Variants in PRLR observed in about 807,000 individuals in gnomAD.
PRLR encodes the protein prolactin receptor, also known as hPRL receptor.
PRLR carries 13 observed loss-of-function variants against 40.2 expected under a neutral mutation model. That is an observed-to-expected ratio of 0.32 (90% CI 0.21 to 0.51). PRLR has a LOEUF of 0.51. PRLR is among the 20% of genes least tolerant of loss of function. The pLI, the probability that PRLR is intolerant of heterozygous loss-of-function variation, is 0.97. For synonymous variants in PRLR, 269 were observed against 278.7 expected, an observed-to-expected ratio of 0.97 and a Z score of 0.35; for missense variants, 656 against 747.3, an observed-to-expected ratio of 0.88 and a Z score of 1.42.
chr5:35,142,925 C>T (rs1774065160), intron 1 of PRLR, among the ~76,000 whole-genome samples: 1 of 152,216 alleles, frequency 6.6e-6, no homozygotes, highest in African/African-American at 2.4e-5. Context: ...GCACCTACCA[C>T]ATAGGACTGT....
chr5:35,174,608 A>G (rs1775093667), intron 1 of PRLR, among the ~76,000 whole-genome samples: 1 of 151,908 alleles, frequency 6.6e-6, no homozygotes, highest in Non-Finnish European at 1.5e-5. Context: ...CTTATCCACC[A>G]TTACTCCCTG....
At chr5:35,111,069 AC>A (rs1272874102) in intron 2 of PRLR, among the ~76,000 whole-genome samples, 2 of 152,172 alleles carry the variant, frequency 1.3e-5, no homozygotes, top group African/African-American at 4.8e-5. Flanking sequence ...TTAATGCAAA[AC>A]TGGAAACATA....
At chr5:35,175,557 C>T (rs1775124353) in intron 1 of PRLR, among the ~76,000 whole-genome samples, 1 of 151,624 alleles carries the variant, frequency 6.6e-6, no homozygotes, top group Non-Finnish European at 1.5e-5. Context: ...TTGGGAGAAT[C>T]TGCTAAGCAA....
At chr5:35,197,547 G>C (rs1320057041) in intron 1 of PRLR, among the ~76,000 whole-genome samples, 1 of 152,182 alleles carries the variant, frequency 6.6e-6, no homozygotes, top group Non-Finnish European at 1.5e-5. Context: ...GCACTCCTCA[G>C]CTCAGCTGCT....
At chr5:35,204,609 A>T (rs930905530) in intron 1 of PRLR, among the ~76,000 whole-genome samples, 10 of 152,182 alleles carry the variant, frequency 6.6e-5, no homozygotes, top group African/African-American at 2.4e-4. Flanking sequence ...GCCATAAAGA[A>T]CATAATTCTA....
chr5:35,227,941 C>G (rs1478159573), intron 1 of PRLR, among the ~76,000 whole-genome samples: 1 of 152,144 alleles, frequency 6.6e-6, no homozygotes, highest in East Asian at 1.9e-4. Context: ...TCTGGACATA[C>G]TTTACTTGCC....
rs1447508527 is a variant in PRLR at position 35,066,028 on chromosome 5, C to G, written c.930G>C (p.Leu310Phe). The change falls in exon 10 of 10, where the codon TTG becomes TTC. Residue 310 changes from leucine (L) to phenylalanine (F), a missense_variant. Coordinates refer to ENST00000618457, the MANE Select transcript of PRLR (RefSeq NM_000949.7). ...CATCTACTTCTAAATACTCCACCAGCAAGTCCTCATAGTCAGAAGTGGGAG... is the reference window on the plus strand; with the variant it reads ...CATCTACTTCTAAATACTCCACCAGGAAGTCCTCATAGTCAGAAGTGGGAG... ...DFPPTSDYED[L>F]LVEYLEVDDS... 1 of 1,614,154 alleles carries G rather than the reference C, an allele frequency of 6.2e-7. No homozygotes were observed. Among genetic ancestry groups the G allele is most frequent in the Non-Finnish European group, 8.5e-7 (1 of 1,179,992 alleles).
At chr5:35,136,234 T>C (rs1773854893) in intron 1 of PRLR, among the ~76,000 whole-genome samples, 3 of 152,148 alleles carry the variant, frequency 2.0e-5, no homozygotes, top group Non-Finnish European at 2.9e-5. Flanking sequence ...TATGAACCCA[T>C]ATAAGGTTCA....
downstream of PRLR, among the ~76,000 whole-genome samples, chr5:35,052,025 C>T (rs892224116): frequency 3.9e-5 from 6 of 152,130 alleles, no homozygotes; most frequent in South Asian, 6.2e-4. Flanking sequence ...AATCTATATA[C>T]GCCCAATAAT....
intron 1 of PRLR, among the ~76,000 whole-genome samples, chr5:35,136,290 G>A (rs989207095): frequency 6.6e-6 from 1 of 152,184 alleles, no homozygotes; most frequent in Non-Finnish European, 1.5e-5. Flanking sequence ...GCCTTAGTTG[G>A]TGAAGGAAAA....
At chr5:35,226,230 C>T (rs917474755) in intron 1 of PRLR, among the ~76,000 whole-genome samples, 1 of 152,188 alleles carries the variant, frequency 6.6e-6, no homozygotes, top group African/African-American at 2.4e-5. Flanking sequence ...GGCTTCCTTA[C>T]TTTCTCCAAA....
In PRLR at chr5:35,058,305, G is replaced by GT. The variant is rs1383530382; in HGVS notation, c.*6783_*6784insA. 38 of 152,170 alleles carry GT rather than the reference G, an allele frequency of 2.5e-4. No homozygotes were observed. Among genetic ancestry groups the GT allele is most frequent in the African/African-American group, 8.4e-4 (35 of 41,430 alleles). The allele number at this position is 152,170 out of a possible 1,614,324, so 9.4% of individuals were successfully genotyped here. The stretch of plus-strand genomic sequence containing the variant: ...TTATGTATAACTTCACTTCAATATG[G>GT]CTTTACAGAAGACACAGTCACCCAA... On this transcript the variant is annotated 3_prime_UTR_variant, in exon 10 of 10. Coordinates refer to ENST00000618457, the MANE Select transcript of PRLR (RefSeq NM_000949.7).
At chr5:35,165,355 C>T (rs1340987011) in intron 1 of PRLR, among the ~76,000 whole-genome samples, 5 of 152,188 alleles carry the variant, frequency 3.3e-5, no homozygotes, top group Admixed American at 6.6e-5. Context: ...CGTTCTTTAC[C>T]GAATGGCTCA....
In PRLR at chr5:35,161,064, C is replaced by T. The variant is rs371467552; in HGVS notation, c.-105-42942G>A. Among the ~76,000 whole-genome samples the T allele has an allele frequency of 4.9e-4, 75 of 152,326 alleles. No individual in the cohort carries two copies. In the East Asian group the frequency reaches 0.013, roughly 26 times the overall value. On this transcript the variant is annotated intron_variant, in intron 1 of 9. Coordinates refer to ENST00000618457, the MANE Select transcript of PRLR (RefSeq NM_000949.7). ...ATAGAGGCCATTTAACCTGCAAAAG[C>T]AAAACTACTTCTATCTAGTCAATTA...
At position 35,065,747 on chromosome 5, in the gene PRLR, G is replaced by A. The variant is rs755373081; in HGVS notation, c.1211C>T (p.Pro404Leu). 6.8e-6 allele frequency: 11 copies of A among 1,614,008 alleles called. No individual in the cohort carries two copies. In the Admixed American group the frequency reaches 8.3e-5, roughly 12 times the overall value. ...TTTGGATCCACCAGCATGAAAATAG[G>A]GGATTTTGCCTTCCATGCTTATGCA... is the stretch of plus-strand genomic sequence containing the variant. Reference protein sequence around the residue: ...PQCISMEGKIPYFHAGGSKCS... With the variant: ...PQCISMEGKILYFHAGGSKCS... Residue 404 changes from proline to leucine, a missense_variant, in exon 10 of 10, where the codon CCC (proline) becomes CTC (leucine). Transcript: ENST00000618457.
At chr5:35,133,121 T>C (rs1046938312) in intron 1 of PRLR, among the ~76,000 whole-genome samples, 1 of 149,870 alleles carries the variant, frequency 6.7e-6, no homozygotes, top group African/African-American at 2.5e-5. Flanking sequence ...CTCAGACTTA[T>C]ACCAGGCCTC....
At chr5:35,217,878 A>T (rs79319298) in intron 1 of PRLR, among the ~76,000 whole-genome samples, 4,416 of 152,324 alleles carry the variant, frequency 0.029, 88 homozygotes, top group Middle Eastern at 0.071. Flanking sequence ...CTGTGATCAC[A>T]TAACTGCCAT....
intron 1 of PRLR, among the ~76,000 whole-genome samples, chr5:35,123,953 T>C (rs906561122): frequency 6.6e-6 from 1 of 152,114 alleles, no homozygotes; most frequent in East Asian, 1.9e-4. Flanking sequence ...GTTTAATTTC[T>C]GAAAGAATTA....
intron 1 of PRLR, among the ~76,000 whole-genome samples, chr5:35,132,233 A>G (rs1252489878): frequency 6.6e-6 from 1 of 152,188 alleles, no homozygotes; most frequent in Non-Finnish European, 1.5e-5. Flanking sequence ...GGTCTTTAGG[A>G]AAAGCATTTT....
Sources: gnomAD v4.1 joint callset for allele counts (sites outside exome capture counted in the v4.1 genomes callset) on GRCh38, gnomAD v4.1.1 for gene constraint, MANE v1.5 for transcripts, NCBI Gene and HGNC (gene_info 2026-07-23, HGNC 2026-07-21) for gene names.